The following PPP2CA variants were observed in gnomAD, a reference collection of about 807,000 sequenced individuals.
PPP2CA encodes the protein serine/threonine-protein phosphatase 2A catalytic subunit alpha isoform.
A neutral mutation model predicts 38.8 loss-of-function variants in PPP2CA; 5 were observed. That is an observed-to-expected ratio of 0.13 (90% CI 0.07 to 0.27). The LOEUF (loss-of-function observed/expected upper bound fraction) is 0.27. PPP2CA is among the 10% of genes least tolerant of loss of function. The probability of loss-of-function intolerance (pLI) is 1.00; values close to 1 mark genes in which losing one functional copy is unlikely to be tolerated. For missense variants in PPP2CA, 88 were observed against 389.7 expected (o/e 0.23, Z 6.52); for synonymous variants, 152 against 134.0 (o/e 1.13, Z -0.93).
At chr5:134,200,251 A>T (rs1030091226) in intron 5 of PPP2CA, 84 bp downstream of exon 5, 1 of 1,412,066 alleles carries the variant, frequency 7.1e-7, no homozygotes, top group Middle Eastern at 2.2e-4. Context: ...TTTCTCACAA[A>T]TGTCATTAAT....
rs749041136 is a variant in PPP2CA, at chr5:134,202,012, G to T, written c.322C>A (p.Arg108Ser). Residue 108 changes from arginine to serine, a missense_variant, in exon 3 of 7, where the codon CGT (arginine) becomes AGT (serine). Physicochemically the swap from Arg to Ser is moderately radical, Grantham distance 110. This residue lies in a region of PPP2CA where 12 missense variants were observed against 20.6 expected (regional missense o/e 0.58). Coordinates refer to ENST00000481195, the MANE Select transcript of PPP2CA (RefSeq NM_002715.4). ...CCTCGAAGAATGGTGATGCGTTCACGGTAACGAACCTAAAACAATAAAATG... is the reference window on the plus strand; with the variant it reads ...CCTCGAAGAATGGTGATGCGTTCACTGTAACGAACCTAAAACAATAAAATG... ...TLLVALKVRY[R>S]ERITILRGNH... The T allele has an allele frequency of 4.4e-6, 7 of 1,594,136 alleles. No homozygotes were observed. The highest frequency in any genetic ancestry group is 3.4e-6 in the Non-Finnish European group (4 of 1,172,468).
chr5:134,205,316 T>C (rs1472945529), intron 2 of PPP2CA, among the ~76,000 whole-genome samples: 2 of 152,104 alleles, frequency 1.3e-5, no homozygotes, highest in African/African-American at 2.4e-5. Flanking sequence ...AATCTAATTA[T>C]ATTACCTCTC....
At chr5:134,211,086 T>C (rs982409885) in intron 1 of PPP2CA, among the ~76,000 whole-genome samples, 5 of 152,050 alleles carry the variant, frequency 3.3e-5, no homozygotes, top group African/African-American at 1.2e-4. Context: ...TCTTTGAGGA[T>C]ACTTTTTAAA....
intron 1 of PPP2CA, among the ~76,000 whole-genome samples, chr5:134,212,119 A>AAATAGT (rs70976524): frequency 0.87 from 132,010 of 151,416 alleles, 57,884 homozygotes; most frequent in Middle Eastern, 0.92. Flanking sequence ...TCCATCTCAA[A>AAATAGT]AATAGTAATT....
intron 6 of PPP2CA, among the ~76,000 whole-genome samples, chr5:134,198,376 G>A (rs1761900342): frequency 6.9e-6 from 1 of 144,056 alleles, no homozygotes; most frequent in Non-Finnish European, 1.5e-5. Flanking sequence ...CTGGGTGACA[G>A]AGTGAGACTC....
chr5:134,206,861 A>G (rs1210676260), intron 1 of PPP2CA, among the ~76,000 whole-genome samples: 1 of 152,276 alleles, frequency 6.6e-6, no homozygotes, highest in Non-Finnish European at 1.5e-5. Flanking sequence ...GCAACTGGAC[A>G]TATAGTGGTG....
At chr5:134,215,013 G>A (rs1291524274) in intron 1 of PPP2CA, among the ~76,000 whole-genome samples, 1 of 143,814 alleles carries the variant, frequency 7.0e-6, no homozygotes, top group Non-Finnish European at 1.5e-5. Context: ...TAATGACCTT[G>A]AAGTATTTTG....
In PPP2CA at chr5:134,201,835, T is replaced by C. The variant is rs1761972886; in HGVS notation, c.486+13A>G. 1.2e-6 allele frequency: 2 copies of C among 1,611,138 alleles called. No individual in the cohort carries two copies. Among genetic ancestry groups the C allele is most frequent in the African/African-American group, 1.3e-5 (1 of 74,768 alleles). On this transcript the variant is annotated intron_variant, in intron 3 of 6. Coordinates refer to ENST00000481195, the MANE Select transcript of PPP2CA (RefSeq NM_002715.4). ...CTCTGAAATAATCAGCAATGAGTTT[T>C]AGATCCACATACCTGCCCATCCACC...
At chr5:134,213,385 T>C (rs1022328883) in intron 1 of PPP2CA, among the ~76,000 whole-genome samples, 2 of 151,622 alleles carry the variant, frequency 1.3e-5, no homozygotes, top group Non-Finnish European at 2.9e-5. Flanking sequence ...ATACTGAATA[T>C]TTTAAGTGCA....
At chr5:134,200,606 G>A in intron 4 of PPP2CA, 110 bp from the exon 5 acceptor site, 1 of 1,187,604 alleles carries the variant, frequency 8.4e-7, no homozygotes, top group Admixed American at 2.4e-5. Context: ...AGTGATGTTT[G>A]TGGACAATGC....
At chr5:134,211,387 T>C (rs1180024977) in intron 1 of PPP2CA, among the ~76,000 whole-genome samples, 1 of 151,970 alleles carries the variant, frequency 6.6e-6, no homozygotes, top group Non-Finnish European at 1.5e-5. Flanking sequence ...ATACAGGCCA[T>C]CATAACCACT....
At chr5:134,209,879 CT>C (rs1315522699) in intron 1 of PPP2CA, among the ~76,000 whole-genome samples, 13 of 152,062 alleles carry the variant, frequency 8.5e-5, no homozygotes, top group African/African-American at 3.1e-4. Context: ...AGAGACCAGC[CT>C]GGGCAACAAC....
chr5:134,214,586 G>T (rs566880473), intron 1 of PPP2CA, among the ~76,000 whole-genome samples: 1 of 152,014 alleles, frequency 6.6e-6, no homozygotes, highest in South Asian at 2.1e-4. Context: ...AATTTAATTG[G>T]CATTTTTCAT....
At chr5:134,214,506 T>C (rs1341709462) in intron 1 of PPP2CA, among the ~76,000 whole-genome samples, 2 of 152,232 alleles carry the variant, frequency 1.3e-5, no homozygotes, top group African/African-American at 4.8e-5. Flanking sequence ...TTATGCCAAT[T>C]TGTTATACAA....
chr5:134,203,228 TTAAC>T (rs546122763), intron 2 of PPP2CA, among the ~76,000 whole-genome samples: 13 of 152,360 alleles, frequency 8.5e-5, no homozygotes, highest in East Asian at 3.9e-4. Flanking sequence ...CTAAGAATCT[TTAAC>T]TAACCTGACA....
intron 1 of PPP2CA, among the ~76,000 whole-genome samples, chr5:134,221,151 G>A (rs557181160): frequency 3.3e-5 from 5 of 152,200 alleles, no homozygotes; most frequent in African/African-American, 9.6e-5. Flanking sequence ...TCCCTCTGTC[G>A]CCCAGGCTGG....
chr5:134,202,791 G>A (rs1343272727), intron 2 of PPP2CA, among the ~76,000 whole-genome samples: 2 of 152,160 alleles, frequency 1.3e-5, no homozygotes, highest in African/African-American at 4.8e-5. Context: ...AACTTTTTGA[G>A]AAACAGTCAA....
chr5:134,203,093 GTTTT>G (rs979564988), intron 2 of PPP2CA, among the ~76,000 whole-genome samples: 5 of 145,868 alleles, frequency 3.4e-5, no homozygotes, highest in Non-Finnish European at 7.6e-5. Flanking sequence ...AGCTGTAAAA[GTTTT>G]TTTTTTTTAA....
At chr5:134,217,698 C>T (rs1250302615) in intron 1 of PPP2CA, among the ~76,000 whole-genome samples, 1 of 152,220 alleles carries the variant, frequency 6.6e-6, no homozygotes, top group Non-Finnish European at 1.5e-5. Flanking sequence ...GAACATATTA[C>T]TAGCCCTGGA....
Sources: gnomAD v4.1 joint callset for allele counts (sites outside exome capture counted in the v4.1 genomes callset) on GRCh38, gnomAD v4.1.1 for gene constraint, gnomAD v4.1.1 regional missense constraint, MANE v1.5 for transcripts, NCBI Gene and HGNC (gene_info 2026-07-23, HGNC 2026-07-21) for gene names.